Variants in WDPCP observed in about 807,000 individuals in gnomAD.
WDPCP encodes WD repeat containing planar cell polarity effector.
Under a neutral mutation model 93.1 loss-of-function variants are expected in WDPCP, and 71 were observed. The ratio of observed to expected loss-of-function variants is 0.76; its 90% CI spans 0.63 to 0.93. The LOEUF (loss-of-function observed/expected upper bound fraction) is 0.93, where lower values mean the gene tolerates loss of function less well. WDPCP is among the 40% of genes least tolerant of loss of function. The pLI is 0.00. For missense variants in WDPCP, 844 were observed against 887.4 expected, an observed-to-expected ratio of 0.95 and a Z score of 0.62; for synonymous variants, 315 against 315.0, an observed-to-expected ratio of 1.00 and a Z score of 0.00.
intron 13 of WDPCP, 81 bp downstream of exon 13, chr2:63,313,167 A>C (rs1686308694): frequency 7.5e-7 from 1 of 1,335,924 alleles, no homozygotes; most frequent in African/African-American, 1.5e-5. Flanking sequence ...GCAAAATGAC[A>C]GTAATCCTTT....
chr2:63,353,562 G>A (rs1257556970), intron 12 of WDPCP, among the ~76,000 whole-genome samples: 1 of 152,158 alleles, frequency 6.6e-6, no homozygotes, highest in Admixed American at 6.5e-5. Flanking sequence ...AGTCCAAGCT[G>A]ACCAGGGGTG....
intron 1 of WDPCP, among the ~76,000 whole-genome samples, chr2:63,521,701 C>T (rs987118658): frequency 3.3e-5 from 5 of 152,126 alleles, no homozygotes; most frequent in African/African-American, 1.2e-4. Context: ...CAGAACTCTC[C>T]ACCCAAAACC....
intron 15 of WDPCP, among the ~76,000 whole-genome samples, chr2:63,156,463 C>A: frequency 6.6e-6 from 1 of 151,990 alleles, no homozygotes; most frequent in Non-Finnish European, 1.5e-5. Flanking sequence ...GGGCCGGGAG[C>A]GGTGGCTCAT....
rs776623337 is a variant in WDPCP at position 63,588,289 on chromosome 2, G to A, written c.-18C>T. 19 of 1,567,394 alleles carry A rather than the reference G, an allele frequency of 1.2e-5. No homozygotes were observed. Among genetic ancestry groups the A allele is most frequent in the Middle Eastern group, 1.7e-4 (1 of 6,040 alleles). ...CGCCTCATCACCAGACACTACCCCGGGCAGAAGGTTCCTAGGCTAGGTCCT... is the reference window on the plus strand; with the variant it reads ...CGCCTCATCACCAGACACTACCCCGAGCAGAAGGTTCCTAGGCTAGGTCCT... On this transcript the variant is annotated 5_prime_UTR_variant, in exon 1 of 18. Coordinates refer to ENST00000272321, the MANE Select transcript of WDPCP (RefSeq NM_015910.7).
chr2:63,484,013 T>C (rs552456639), intron 6 of WDPCP, among the ~76,000 whole-genome samples: 22 of 152,086 alleles, frequency 1.4e-4, no homozygotes, highest in South Asian at 6.2e-4. Context: ...CTGTCCAATA[T>C]GATAACATGT....
At chr2:63,678,742 A>C (rs1012547133) in intron 2 of WDPCP, among the ~76,000 whole-genome samples, 1 of 152,262 alleles carries the variant, frequency 6.6e-6, no homozygotes, top group Non-Finnish European at 1.5e-5. Context: ...TTCTTCTGGC[A>C]GGCACAGTCA....
chr2:63,259,545 T>A (rs1681440326), intron 13 of WDPCP, 136 bp from the exon 14 acceptor site: 1 of 764,624 alleles, frequency 1.3e-6, no homozygotes, highest in Admixed American at 2.6e-5. Flanking sequence ...GTGTTTTAAG[T>A]TTCTTAGTTT....
intron 2 of WDPCP, among the ~76,000 whole-genome samples, chr2:63,676,947 A>C (rs527817803): frequency 6.6e-6 from 1 of 152,310 alleles, no homozygotes; most frequent in African/African-American, 2.4e-5. Flanking sequence ...AGCTTTAGGG[A>C]AGGGCTACGT....
intron 1 of WDPCP, among the ~76,000 whole-genome samples, chr2:63,550,482 C>T (rs1243418690): frequency 1.3e-5 from 2 of 151,944 alleles, no homozygotes; most frequent in African/African-American, 2.4e-5. Context: ...TTTTCTAGTA[C>T]TATTTTCTTC....
chr2:63,725,316 A>G (rs1009551412), intron 2 of WDPCP, among the ~76,000 whole-genome samples: 1 of 152,116 alleles, frequency 6.6e-6, no homozygotes, highest in Non-Finnish European at 1.5e-5. Context: ...CTGTTTCTGC[A>G]TTAATTTGCT....
upstream of WDPCP, among the ~76,000 whole-genome samples, chr2:63,830,898 T>C (rs557450338): frequency 1.4e-4 from 21 of 152,316 alleles, no homozygotes; most frequent in African/African-American, 3.8e-4. Flanking sequence ...CCTAAATTTA[T>C]ACCAGCAGGC....
rs148790893 is a variant in WDPCP at position 63,403,132 on chromosome 2, C to T, written c.1435+916G>A. 3.6e-3 allele frequency among the ~76,000 whole-genome samples: 554 copies of T among 152,150 alleles called. 4 individuals are homozygous for T. The highest frequency in any genetic ancestry group is 0.012 in the African/African-American group (514 of 41,514). On this transcript the variant is annotated intron_variant, in intron 10 of 17. Transcript: ENST00000272321. Reference sequence around the variant, plus strand: ...ATAATGTTTTTTGCAGGAACTTGGACGGAGCTGAACGCCATTATCCTTAGC... The same window carrying T: ...ATAATGTTTTTTGCAGGAACTTGGATGGAGCTGAACGCCATTATCCTTAGC...
At chr2:63,340,501 T>C (rs1688762338) in intron 12 of WDPCP, among the ~76,000 whole-genome samples, 1 of 152,212 alleles carries the variant, frequency 6.6e-6, no homozygotes, top group South Asian at 2.1e-4. Flanking sequence ...TAAGCAGTCA[T>C]GATGCTTCTT....
At chr2:63,269,122 GAA>G (rs2104843426) in intron 13 of WDPCP, among the ~76,000 whole-genome samples, 1 of 152,010 alleles carries the variant, frequency 6.6e-6, no homozygotes, top group Admixed American at 6.5e-5. Context: ...TAACAGATTT[GAA>G]AAGTGTCATA....
chr2:63,144,501 G>A lies in WDPCP; in HGVS notation c.2190+8413C>T, dbSNP rs185059580. Among the ~76,000 whole-genome samples, 621 of 152,152 alleles carry A rather than the reference G, an allele frequency of 4.1e-3. 6 individuals carry two copies. The highest frequency in any genetic ancestry group is 0.011 in the African/African-American group (456 of 41,506). ...AAAATCCTGGCCTTGTGATCTGCCC[G>A]CCTCACCCTCCCAAAGTACTGGGAT... On this transcript the variant is annotated intron_variant, in intron 17 of 17. Transcript: ENST00000272321.
chr2:63,226,719 T>C (rs758760668), intron 14 of WDPCP, among the ~76,000 whole-genome samples: 2 of 151,932 alleles, frequency 1.3e-5, no homozygotes, highest in Non-Finnish European at 2.9e-5. Context: ...TACTTAATTC[T>C]AGATAAGGGT....
At chr2:63,674,684 G>GGGCAGATCTCATGTTAAGT (rs1301066204) in intron 2 of WDPCP, among the ~76,000 whole-genome samples, 1 of 150,970 alleles carries the variant, frequency 6.6e-6, no homozygotes, top group Non-Finnish European at 1.5e-5. Context: ...ACTTGTTAAG[G>GGGCAGATCTCATGTTAAGT]GGCAGATCTC....
chr2:63,805,114 T>C (rs1239124325), intron 2 of WDPCP, among the ~76,000 whole-genome samples: 1 of 152,178 alleles, frequency 6.6e-6, no homozygotes, highest in Admixed American at 6.5e-5. Context: ...ACCCATTTCA[T>C]GTCAAATTTT....
chr2:63,143,839 T>C (rs1298422901), intron 17 of WDPCP, among the ~76,000 whole-genome samples: 1 of 152,210 alleles, frequency 6.6e-6, no homozygotes, highest in Non-Finnish European at 1.5e-5. Flanking sequence ...CCTTTATAGG[T>C]TACTTGGTTC....
Sources: allele counts gnomAD v4.1 joint callset (sites outside exome capture counted in the v4.1 genomes callset), GRCh38; gene constraint gnomAD v4.1.1; transcripts MANE v1.5; gene names NCBI Gene and HGNC (gene_info 2026-07-23, HGNC 2026-07-21).